Variants in PUDP observed in about 807,000 individuals in gnomAD.
PUDP encodes the protein pseudouridine 5'-phosphatase.
Under a neutral mutation model 9.4 loss-of-function variants are expected in PUDP, and 8 were observed. The ratio of observed to expected loss-of-function variants is 0.85; its 90% CI spans 0.50 to 1.53. The LOEUF (loss-of-function observed/expected upper bound fraction) is 1.53. PUDP is among the 40% of genes most tolerant of loss of function. PUDP has a pLI of 0.00. For synonymous variants in PUDP, 99 were observed against 80.7 expected (o/e 1.23, Z -1.22); for missense variants, 188 against 189.7 (o/e 0.99, Z 0.05).
At chrX:7,077,114 T>G in intron 3 of PUDP, 106 bp downstream of exon 3, 1 of 1,116,732 alleles carries the variant, frequency 9.0e-7, no homozygotes, top group Non-Finnish European at 1.2e-6. Context: ...CAAAGTGGCC[T>G]TCAACAGCAC....
intron 2 of PUDP, among the ~76,000 whole-genome samples, chrX:7,089,728 C>A (rs1931367899): frequency 8.9e-6 from 1 of 111,888 alleles, no homozygotes; most frequent in African/African-American, 3.3e-5. Context: ...AGCACCCACT[C>A]ACGCACTGTT....
intron 3 of PUDP, among the ~76,000 whole-genome samples, chrX:6,833,856 A>G (rs911945570): frequency 8.9e-6 from 1 of 112,263 alleles, no homozygotes; most frequent in Non-Finnish European, 1.9e-5. Context: ...AGCCTGACCC[A>G]TAAGAGTTGT....
intron 1 of PUDP, among the ~76,000 whole-genome samples, chrX:7,140,282 T>C (rs915511904): frequency 9.8e-5 from 11 of 111,989 alleles, no homozygotes; most frequent in Non-Finnish European, 2.1e-4. Flanking sequence ...AAATGCTGCA[T>C]TTATTAATCA....
intron 3 of PUDP, among the ~76,000 whole-genome samples, chrX:6,761,738 C>T (rs768410922): frequency 7.1e-5 from 8 of 112,252 alleles, no homozygotes; most frequent in Non-Finnish European, 7.5e-5. Context: ...AGCCGCATTG[C>T]CTTCTCTTCA....
intron 3 of PUDP, among the ~76,000 whole-genome samples, chrX:6,726,602 A>C (rs939016978): frequency 2.7e-5 from 3 of 112,019 alleles, no homozygotes; most frequent in Non-Finnish European, 5.6e-5. Flanking sequence ...ATATATTCTA[A>C]AGCAAATCCT....
intron 1 of PUDP, among the ~76,000 whole-genome samples, chrX:7,136,504 G>A (rs1228057365): frequency 2.7e-5 from 3 of 112,199 alleles, no homozygotes; most frequent in African/African-American, 9.7e-5. Context: ...CCAAAATGGT[G>A]ACCTGGCTAA....
rs1404291773 is a variant in PUDP at position 7,050,157 on chromosome X, A to G, written c.*139T>C. The G allele has an allele frequency of 1.8e-6, 1 of 566,884 alleles. No homozygotes were observed. Among genetic ancestry groups the G allele is most frequent in the Non-Finnish European group, 2.7e-6 (1 of 369,910 alleles). 46.7% of individuals were successfully genotyped at this position (566,884 alleles called of 1,213,427 possible). ...ACACGTTAGACTGGGACAAACCAAC[A>G]TGGGATGGAAACTCCAATCTCAGGA... On this transcript the variant is annotated 3_prime_UTR_variant, in exon 4 of 4. Coordinates refer to ENST00000381077, the MANE Select transcript of PUDP (RefSeq NM_012080.5).
intron 1 of PUDP, among the ~76,000 whole-genome samples, chrX:7,147,668 G>T (rs1338425974): frequency 2.7e-5 from 3 of 112,142 alleles, no homozygotes; most frequent in Non-Finnish European, 5.7e-5. Flanking sequence ...AAGGTCGCAC[G>T]CATGCGTAAC....
At chrX:7,050,514 C>T in intron 3 of PUDP, 42 bp from the exon 4 acceptor site, 1 of 1,112,408 alleles carries the variant, frequency 9.0e-7, no homozygotes, top group Non-Finnish European at 1.2e-6. Flanking sequence ...TTTTATGGAA[C>T]CAGACATGTG....
At chrX:7,095,677 C>T (rs774017584) in intron 2 of PUDP, among the ~76,000 whole-genome samples, 29 of 112,465 alleles carry the variant, frequency 2.6e-4, no homozygotes, top group African/African-American at 8.1e-4. Context: ...CTGTGAGGCT[C>T]CTGCCACCTA....
At chrX:6,824,027 G>A (rs1433089388) in intron 3 of PUDP, among the ~76,000 whole-genome samples, 2 of 111,922 alleles carry the variant, frequency 1.8e-5, no homozygotes, top group Admixed American at 1.9e-4. Flanking sequence ...TTTACGACCT[G>A]TGATATAGTT....
rs191407274 is a variant in PUDP at position 7,111,476 on chromosome X, G to T, written c.62-5638C>A. Among the ~76,000 whole-genome samples, 727 of 106,696 alleles carry T rather than the reference G, an allele frequency of 6.8e-3. 14 individuals carry two copies. Among genetic ancestry groups the T allele is most frequent in the African/African-American group, 0.024 (693 of 29,102 alleles). 92.7% of individuals were successfully genotyped at this position (106,696 alleles called of 115,157 possible). A position where few individuals can be genotyped will look rare whatever the true frequency, so the allele number is the denominator to read the frequency against. On this transcript the variant is annotated intron_variant, in intron 1 of 3. Coordinates refer to ENST00000381077, the MANE Select transcript of PUDP (RefSeq NM_012080.5). ...TTTAATAGCCGCTGACCTGCAGAGC[G>T]GGGGTGGCCTTAAAGCTGGGGGTGG...
At chrX:6,862,827 G>A (rs1237967956) in intron 3 of PUDP, among the ~76,000 whole-genome samples, 1 of 111,092 alleles carries the variant, frequency 9.0e-6, no homozygotes, top group Non-Finnish European at 1.9e-5. Context: ...TGCAAAGGAT[G>A]GTGGATGGGG....
Position 6,932,964 on chromosome X carries a change from G to C in PUDP, c.*247+44169C>G, listed in dbSNP as rs1210025651. ...GCTTGCTTAGGTAAACAAAGCAGCCGGGAAGCTCGAACTGGGTGGAGCCCA... is the reference window on the plus strand; with the variant it reads ...GCTTGCTTAGGTAAACAAAGCAGCCCGGAAGCTCGAACTGGGTGGAGCCCA... On this transcript the variant is annotated intron_variant and NMD_transcript_variant, in intron 3 of 3. Transcript: ENST00000655425. Among the ~76,000 whole-genome samples the C allele has an allele frequency of 2.6e-4, 29 of 109,733 alleles. No homozygotes were observed. In the East Asian group the frequency reaches 6.7e-3, roughly 25 times the overall value.
At chrX:7,030,716 T>A (rs1322748442) in intron 1 of PUDP, among the ~76,000 whole-genome samples, 1 of 111,371 alleles carries the variant, frequency 9.0e-6, no homozygotes, top group African/African-American at 3.3e-5. Context: ...CCATGGAATG[T>A]TGGCCTCTCA....
At chrX:6,920,396 T>C (rs1261090989) in intron 3 of PUDP, among the ~76,000 whole-genome samples, 1 of 111,209 alleles carries the variant, frequency 9.0e-6, no homozygotes, top group African/African-American at 3.3e-5. Flanking sequence ...GTCCATCTCA[T>C]GCAAAATACC....
At chrX:6,747,770 T>G (rs1569091183) in intron 3 of PUDP, among the ~76,000 whole-genome samples, 1 of 110,998 alleles carries the variant, frequency 9.0e-6, no homozygotes, top group South Asian at 3.8e-4. Flanking sequence ...TCTAATCTAT[T>G]TTTTATCCCC....
intron 3 of PUDP, among the ~76,000 whole-genome samples, chrX:6,920,134 T>C (rs1316876922): frequency 1.8e-5 from 2 of 109,607 alleles, no homozygotes; most frequent in Non-Finnish European, 3.8e-5. Context: ...TCCACCCCCT[T>C]GCTATCAATA....
At chrX:7,065,833 TA>T (rs1481594814) in intron 3 of PUDP, among the ~76,000 whole-genome samples, 1 of 112,089 alleles carries the variant, frequency 8.9e-6, no homozygotes, top group African/African-American at 3.2e-5. Flanking sequence ...GCACTAGTGC[TA>T]CTTATGGGTC....
Sources: gnomAD v4.1 joint callset for allele counts (sites outside exome capture counted in the v4.1 genomes callset) on GRCh38, gnomAD v4.1.1 for gene constraint, MANE v1.5 for transcripts, NCBI Gene and HGNC (gene_info 2026-07-23, HGNC 2026-07-21) for gene names.